Variants in ACTR3 observed in about 807,000 individuals in gnomAD.
ACTR3 encodes the protein actin-related protein 3.
In ACTR3, 12 loss-of-function variants were observed where a neutral mutation model predicts 56.8. The observed-to-expected ratio is 0.21, with a 90% CI of 0.14 to 0.34. The LOEUF (loss-of-function observed/expected upper bound fraction) is 0.34. Ranked by LOEUF, ACTR3 falls within the 10% of genes least tolerant of loss-of-function variation. The pLI is 1.00. For missense variants in ACTR3, 282 were observed against 512.5 expected (o/e 0.55, Z 4.34); for synonymous variants, 162 against 167.4 (o/e 0.97, Z 0.25).
intron 3 of ACTR3, among the ~76,000 whole-genome samples, chr2:113,924,165 G>A (rs1679573228): frequency 6.6e-6 from 1 of 151,470 alleles, no homozygotes; most frequent in African/African-American, 2.4e-5. Context: ...GACCCTCTGG[G>A]CTCAAGTGAT....
chr2:113,924,054 C>CT (rs35658755), intron 3 of ACTR3, among the ~76,000 whole-genome samples: 9,935 of 134,954 alleles, frequency 0.074, 379 homozygotes, highest in African/African-American at 0.1. Flanking sequence ...ACTTTTTTCT[C>CT]TTTTTTTTTT....
intron 3 of ACTR3, among the ~76,000 whole-genome samples, chr2:113,922,899 G>A (rs1369497481): frequency 6.6e-6 from 1 of 152,150 alleles, no homozygotes; most frequent in Non-Finnish European, 1.5e-5. Context: ...ATAATAAGAG[G>A]TTGTGATCAG....
At chr2:113,890,499 T>G in intron 1 of ACTR3, 176 bp downstream of exon 1, 4 of 1,334,290 alleles carry the variant, frequency 3.0e-6, no homozygotes, top group Non-Finnish European at 3.9e-6. Context: ...GGTCCCCTCG[T>G]TTCTCCCTCC....
intron 11 of ACTR3, among the ~76,000 whole-genome samples, chr2:113,955,964 C>G (rs1680203924): frequency 6.6e-6 from 1 of 152,088 alleles, no homozygotes; most frequent in African/African-American, 2.4e-5. Context: ...CTAGGTTACT[C>G]TTGAACTCCT....
At chr2:113,905,806 C>T (rs900590157) in intron 1 of ACTR3, among the ~76,000 whole-genome samples, 2 of 151,940 alleles carry the variant, frequency 1.3e-5, no homozygotes, top group East Asian at 1.9e-4. Flanking sequence ...AAGGTTCATC[C>T]ATGTTGTAAG....
intron 8 of ACTR3, among the ~76,000 whole-genome samples, chr2:113,950,568 A>G (rs1293338530): frequency 6.6e-6 from 1 of 152,226 alleles, no homozygotes; most frequent in East Asian, 1.9e-4. Context: ...TAAATTCACA[A>G]ATATGGAATC....
chr2:113,945,295 T>G (rs912622163), intron 8 of ACTR3, among the ~76,000 whole-genome samples: 1 of 152,218 alleles, frequency 6.6e-6, no homozygotes, highest in Non-Finnish European at 1.5e-5. Context: ...TGCCATTGTG[T>G]TCTATAGAGC....
intron 2 of ACTR3, 77 bp downstream of exon 2, chr2:113,913,304 T>G: frequency 2.6e-6 from 3 of 1,134,204 alleles, no homozygotes; most frequent in Middle Eastern, 2.0e-4. Context: ...AAAGAAGTAA[T>G]CAGTTCTGAA....
At position 113,960,104 on chromosome 2, in the gene ACTR3, G is replaced by A. The variant is rs1161977725; in HGVS notation, c.*2649G>A. 6 of 152,010 alleles carry A rather than the reference G, an allele frequency of 3.9e-5. No homozygotes were observed. The East Asian group carries it at 1.2e-3, about 29-fold the overall frequency. 9.4% of individuals were successfully genotyped at this position (152,010 alleles called of 1,614,324 possible). A position where few individuals can be genotyped will look rare whatever the true frequency, so the allele number is the denominator to read the frequency against. On this transcript the variant is annotated 3_prime_UTR_variant, in exon 12 of 12. Transcript: ENST00000263238. Reference sequence around the variant, plus strand: ...CTTTTCTATTGATTCATTAGTGGTAGTAAAGGTATTATCTGATTTATCCTT... The same window carrying A: ...CTTTTCTATTGATTCATTAGTGGTAATAAAGGTATTATCTGATTTATCCTT...
chr2:113,945,516 A>C (rs995602723), intron 8 of ACTR3, among the ~76,000 whole-genome samples: 1 of 152,166 alleles, frequency 6.6e-6, no homozygotes, highest in South Asian at 2.1e-4. Flanking sequence ...AATCAATAGT[A>C]TTGTAATATT....
intron 3 of ACTR3, among the ~76,000 whole-genome samples, chr2:113,924,884 G>C (rs2104603401): frequency 7.6e-6 from 1 of 131,266 alleles, no homozygotes; most frequent in Admixed American, 7.7e-5. Context: ...CTTATTCAAG[G>C]AACTATTTAT....
intron 3 of ACTR3, among the ~76,000 whole-genome samples, chr2:113,920,520 A>G (rs563897718): frequency 6.6e-6 from 1 of 152,350 alleles, no homozygotes; most frequent in East Asian, 1.9e-4. Context: ...TCTCTGTTCT[A>G]ACTATCTGAA....
Position 113,960,557 on chromosome 2 carries a change from T to A in ACTR3, c.*3102T>A, listed in dbSNP as rs1680307710. The A allele has an allele frequency of 6.6e-6, 1 of 152,006 alleles. No individual in the cohort carries two copies. The highest frequency in any genetic ancestry group is 1.5e-5 in the Non-Finnish European group (1 of 67,898). The allele number at this position is 152,006 out of a possible 1,614,324, so 9.4% of individuals were successfully genotyped here. A position where few individuals can be genotyped will look rare whatever the true frequency, so the allele number is the denominator to read the frequency against. On this transcript the variant is annotated 3_prime_UTR_variant, in exon 12 of 12. Transcript: ENST00000263238. ...AGATGATACTAGAATGTTTATAAAA[T>A]TATTGAGAAGATTATTTGTGTTATA...
intron 4 of ACTR3, among the ~76,000 whole-genome samples, chr2:113,929,531 T>C (rs1679680549): frequency 6.6e-6 from 1 of 152,214 alleles, no homozygotes; most frequent in Non-Finnish European, 1.5e-5. Context: ...AATACGTAAG[T>C]ATGGAATTGC....
At chr2:113,908,968 A>G (rs1679253780) in intron 1 of ACTR3, among the ~76,000 whole-genome samples, 1 of 152,082 alleles carries the variant, frequency 6.6e-6, no homozygotes, top group Non-Finnish European at 1.5e-5. Context: ...TTCCCCTCAT[A>G]TTTTTTAAGA....
At chr2:113,938,962 CTTTTCTTAGAAAG>C (rs1459560230) in intron 6 of ACTR3, among the ~76,000 whole-genome samples, 1 of 151,868 alleles carries the variant, frequency 6.6e-6, no homozygotes, top group Non-Finnish European at 1.5e-5. Flanking sequence ...ATTTGTTTCC[CTTTTCTTAGAAAG>C]TATCTCTGCC....
chr2:113,928,054 G>T (rs1350847793), intron 4 of ACTR3, among the ~76,000 whole-genome samples: 1 of 151,698 alleles, frequency 6.6e-6, no homozygotes, highest in Admixed American at 6.6e-5. Flanking sequence ...CTGTCTTTAA[G>T]AATATTATAC....
At chr2:113,931,817 A>G (rs960600023) in intron 5 of ACTR3, among the ~76,000 whole-genome samples, 14 of 149,566 alleles carry the variant, frequency 9.4e-5, no homozygotes, top group African/African-American at 3.4e-4. Context: ...CTAATATTTC[A>G]CTTCTCTTAA....
Position 113,890,147 on chromosome 2 carries a change from C to G in ACTR3, c.-133C>G. 8.2e-7 allele frequency: 1 copy of G among 1,215,986 alleles called. No homozygotes were observed. The highest frequency in any genetic ancestry group is 1.2e-6 in the Non-Finnish European group (1 of 852,556). 75.3% of individuals were successfully genotyped at this position (1,215,986 alleles called of 1,614,324 possible). On this transcript the variant is annotated 5_prime_UTR_variant, in exon 1 of 12. Coordinates refer to ENST00000263238, the MANE Select transcript of ACTR3 (RefSeq NM_005721.5). ...TGCTTTCTTGCTACTGCTTCGGCTTCCCGGCTACCCCCCGGACGGTGAAGG... is the reference window on the plus strand; with the variant it reads ...TGCTTTCTTGCTACTGCTTCGGCTTGCCGGCTACCCCCCGGACGGTGAAGG...
Sources: gnomAD v4.1 joint callset for allele counts (sites outside exome capture counted in the v4.1 genomes callset) on GRCh38, gnomAD v4.1.1 for gene constraint, MANE v1.5 for transcripts, NCBI Gene and HGNC (gene_info 2026-07-23, HGNC 2026-07-21) for gene names.